The following SUFU variants were observed in gnomAD, a reference collection of about 807,000 sequenced individuals.
SUFU encodes SUFU negative regulator of hedgehog signaling, also known as suppressor of fused homolog.
SUFU carries 7 observed loss-of-function variants against 58.9 expected under a neutral mutation model. The ratio of observed to expected loss-of-function variants is 0.12; its 90% CI spans 0.07 to 0.22. The LOEUF (loss-of-function observed/expected upper bound fraction) is 0.22. Among genes scored for constraint, SUFU ranks in the 10% least tolerant of loss-of-function variants. The pLI is 1.00. For missense variants in SUFU, 451 were observed against 641.3 expected (o/e 0.70, Z 3.20); for synonymous variants, 232 against 254.8 (o/e 0.91, Z 0.85).
At chr10:102,584,785 A>G (rs1261976937) in intron 3 of SUFU, among the ~76,000 whole-genome samples, 2 of 152,172 alleles carry the variant, frequency 1.3e-5, no homozygotes, top group Non-Finnish European at 2.9e-5. Flanking sequence ...ACAGGTAAGT[A>G]ATGGTACAGA....
At chr10:102,549,340 G>A (rs2062886842) in intron 2 of SUFU, among the ~76,000 whole-genome samples, 1 of 152,222 alleles carries the variant, frequency 6.6e-6, no homozygotes, top group Admixed American at 6.5e-5. Context: ...AGGCACAAGA[G>A]AGTGGGCAAA....
chr10:102,549,279 T>C (rs1240311551), intron 2 of SUFU, among the ~76,000 whole-genome samples: 1 of 152,208 alleles, frequency 6.6e-6, no homozygotes, highest in Non-Finnish European at 1.5e-5. Flanking sequence ...TCCACATGAC[T>C]GGGAAGACCT....
At position 102,601,511 on chromosome 10, in the gene SUFU, G is replaced by A. The variant is rs180747663; in HGVS notation, c.1022+1967G>A. Among the ~76,000 whole-genome samples, 276 of 152,300 alleles carry A rather than the reference G, an allele frequency of 1.8e-3. 2 individuals are homozygous for A. Among genetic ancestry groups the A allele is most frequent in the Non-Finnish European group, 3.0e-3 (205 of 68,022 alleles). On this transcript the variant is annotated intron_variant, in intron 8 of 11. Coordinates refer to ENST00000369902, the MANE Select transcript of SUFU (RefSeq NM_016169.4). ...TTCCTGAAGGTTTAGTGCCCAGTAA[G>A]GTCTCTAAAGCACCAGGACCTGTAG... is the stretch of plus-strand genomic sequence containing the variant.
chr10:102,626,764 G>A (rs2063790098), intron 10 of SUFU, among the ~76,000 whole-genome samples: 1 of 152,114 alleles, frequency 6.6e-6, no homozygotes, highest in Non-Finnish European at 1.5e-5. Flanking sequence ...TACGGTGAGG[G>A]GCAGAGGGGG....
chr10:102,539,434 ATTGT>A (rs59881219), intron 2 of SUFU, among the ~76,000 whole-genome samples: 37,294 of 151,840 alleles, frequency 0.25, 5,001 homozygotes, highest in South Asian at 0.34. Flanking sequence ...AATTACTTTG[ATTGT>A]TTGGTTAAGG....
intron 3 of SUFU, among the ~76,000 whole-genome samples, chr10:102,581,209 A>AG (rs2063275605): frequency 6.2e-5 from 6 of 96,376 alleles, no homozygotes; most frequent in South Asian, 3.8e-4. Context: ...AAAAAAAAAA[A>AG]AAGAAGAAGA....
intron 8 of SUFU, among the ~76,000 whole-genome samples, chr10:102,602,512 A>G (rs2063523507): frequency 6.6e-6 from 1 of 152,232 alleles, no homozygotes; most frequent in African/African-American, 2.4e-5. Flanking sequence ...CTCCTATGAG[A>G]TGCCATGAGC....
chr10:102,515,106 G>A (rs959574394), intron 2 of SUFU, among the ~76,000 whole-genome samples: 1 of 152,190 alleles, frequency 6.6e-6, no homozygotes, highest in African/African-American at 2.4e-5. Flanking sequence ...TGGAACTGCC[G>A]CTGACCGGCT....
At chr10:102,594,630 C>T (rs1243499155) in intron 6 of SUFU, among the ~76,000 whole-genome samples, 1 of 152,174 alleles carries the variant, frequency 6.6e-6, no homozygotes, top group East Asian at 1.9e-4. Context: ...TCCCTGTGGC[C>T]CACCTGGACA....
intron 2 of SUFU, among the ~76,000 whole-genome samples, chr10:102,516,429 T>C (rs1385844569): frequency 6.6e-6 from 1 of 152,206 alleles, no homozygotes; most frequent in Non-Finnish European, 1.5e-5. Flanking sequence ...TCATCCTTTA[T>C]AAAGCATTTC....
At chr10:102,517,481 G>A (rs2062485915) in intron 2 of SUFU, among the ~76,000 whole-genome samples, 1 of 152,070 alleles carries the variant, frequency 6.6e-6, no homozygotes, top group Non-Finnish European at 1.5e-5. Context: ...TCCCTGTTCA[G>A]CCCACCCTTT....
chr10:102,531,788 G>A lies in SUFU; in HGVS notation c.318-18182G>A, dbSNP rs552502120. Among the ~76,000 whole-genome samples the A allele has an allele frequency of 3.3e-5, 5 of 152,252 alleles. No individual in the cohort carries two copies. The South Asian group carries it at 1.0e-3, about 32-fold the overall frequency. ...GCTGTCACTCTCCTAAGGCTGAAGG[G>A]ACCAGAAGAGGGAGTGGGATCCAAG... On this transcript the variant is annotated intron_variant, in intron 2 of 11. Transcript: ENST00000369902.
rs2062284606 is a variant in SUFU, at chr10:102,503,998, C to T, written c.-155C>T. On this transcript the variant is annotated 5_prime_UTR_variant, in exon 1 of 12. Coordinates refer to ENST00000369902, the MANE Select transcript of SUFU (RefSeq NM_016169.4). ...GACTCGGCGGCGGCGACAGCCTGGG[C>T]GGACAGTGCGCCGTGCGCAGGCGCG... The T allele has an allele frequency of 1.8e-6, 2 of 1,103,486 alleles. No individual in the cohort carries two copies. The highest frequency in any genetic ancestry group is 2.4e-6 in the Non-Finnish European group (2 of 828,736). 68.4% of individuals were successfully genotyped at this position (1,103,486 alleles called of 1,614,324 possible). A position where few individuals can be genotyped will look rare whatever the true frequency, so the allele number is the denominator to read the frequency against.
At chr10:102,534,314 C>A (rs1376113873) in intron 2 of SUFU, among the ~76,000 whole-genome samples, 1 of 152,208 alleles carries the variant, frequency 6.6e-6, no homozygotes, top group Admixed American at 6.5e-5. Flanking sequence ...ATAGTCCCAG[C>A]TACTTGGGAG....
At chr10:102,582,143 G>A (rs950484921) in intron 3 of SUFU, among the ~76,000 whole-genome samples, 19 of 152,138 alleles carry the variant, frequency 1.2e-4, no homozygotes, top group African/African-American at 4.1e-4. Flanking sequence ...CAAGCTTCAC[G>A]CTCCTGGGCT....
At chr10:102,543,824 A>G (rs181296858) in intron 2 of SUFU, among the ~76,000 whole-genome samples, 126 of 152,348 alleles carry the variant, frequency 8.3e-4, no homozygotes, top group African/African-American at 2.8e-3. Context: ...TTAATCCCCA[A>G]TAACAACTCT....
chr10:102,556,318 A>C (rs552940387), intron 3 of SUFU, among the ~76,000 whole-genome samples: 35 of 152,334 alleles, frequency 2.3e-4, no homozygotes, highest in Non-Finnish European at 4.4e-4. Context: ...CAGAGGTGGA[A>C]GCTGAGCTGG....
intron 4 of SUFU, among the ~76,000 whole-genome samples, chr10:102,593,301 A>C (rs2063423359): frequency 6.6e-6 from 1 of 151,782 alleles, no homozygotes; most frequent in Non-Finnish European, 1.5e-5. Flanking sequence ...GGCTCCCTGA[A>C]CCTCCCCTAC....
At position 102,628,017 on chromosome 10, in the gene SUFU, G is replaced by A. The variant is rs554065268; in HGVS notation, c.1365+774G>A. Among the ~76,000 whole-genome samples the A allele has an allele frequency of 3.9e-5, 6 of 152,304 alleles. No individual in the cohort carries two copies. The highest frequency in any genetic ancestry group is 1.9e-4 in the East Asian group (1 of 5,178). ...GTTAGTGAACTCTAGCAGGCTGGCC[G>A]GGCCTCTGGAGAGCTCTCCTGGGCC... On this transcript the variant is annotated intron_variant, in intron 11 of 11. Coordinates refer to ENST00000369902, the MANE Select transcript of SUFU (RefSeq NM_016169.4). This position sits in a 1 kb window ranked among gnomAD's most constrained non-coding sequence, Gnocchi z 4.5.
Sources: allele counts gnomAD v4.1 joint callset (sites outside exome capture counted in the v4.1 genomes callset), GRCh38; gene constraint gnomAD v4.1.1; non-coding constraint Gnocchi (gnomAD v3.1); transcripts MANE v1.5; gene names NCBI Gene and HGNC (gene_info 2026-07-23, HGNC 2026-07-21).